HPN: variants seen among roughly 807,000 people sequenced by gnomAD.
HPN encodes serine protease hepsin.
HPN carries 13 observed loss-of-function variants against 55.9 expected under a neutral mutation model. The ratio of observed to expected loss-of-function variants is 0.23; its 90% CI spans 0.15 to 0.37. HPN has a LOEUF of 0.37. Ranked by LOEUF, HPN falls within the 10% of genes least tolerant of loss-of-function variation. The probability of loss-of-function intolerance (pLI) is 1.00; values close to 1 mark genes in which losing one functional copy is unlikely to be tolerated. For missense variants in HPN, 451 were observed against 575.8 expected (o/e 0.78, Z 2.22); for synonymous variants, 225 against 240.3 (o/e 0.94, Z 0.59).
rs545540943 is a variant in HPN at position 35,063,647 on chromosome 19, T to G, written c.812-1603T>G. On this transcript the variant is annotated intron_variant, in intron 9 of 12. Coordinates refer to ENST00000672452, the MANE Select transcript of HPN (RefSeq NM_001384133.1). The stretch of plus-strand genomic sequence containing the variant: ...TCACTTGAACCCAGGAGGTGGAGGT[T>G]GCAGTGAGCCAAGATCGTTGCCACA... Among the ~76,000 whole-genome samples, 13 of 152,354 alleles carry G rather than the reference T, an allele frequency of 8.5e-5. No individual in the cohort carries two copies. In the South Asian group the frequency reaches 2.7e-3, roughly 32 times the overall value.
At chr19:35,040,924 T>G (rs2064287246), upstream of HPN, among the ~76,000 whole-genome samples, 5 of 152,070 alleles carry the variant, frequency 3.3e-5, no homozygotes, top group South Asian at 1.0e-3. Flanking sequence ...GGGTGGCCTA[T>G]CTGGGGCAAG....
chr19:35,042,179 C>T, intron 1 of HPN: 1 of 1,217,064 alleles, frequency 8.2e-7, no homozygotes, highest in Non-Finnish European at 1.0e-6. Flanking sequence ...AGGTCCTCAG[C>T]TGTCTCCTCC....
intron 2 of HPN, among the ~76,000 whole-genome samples, chr19:35,048,498 G>C (rs1028789331): frequency 6.6e-6 from 1 of 152,186 alleles, no homozygotes; most frequent in Non-Finnish European, 1.5e-5. Context: ...TTTAGAAGTA[G>C]GTGCTCAGTG....
At position 35,059,727 on chromosome 19, in the gene HPN, C is replaced by T. The variant is rs776646450; in HGVS notation, c.215C>T (p.Thr72Met). ...RLMVFDKTEG[T>M]WRLLCSSRSN... ...ATGGTCTTTGACAAGACGGAAGGGA[C>T]GTGGCGGCTGCTGTGCTCCTCGCGC... The change falls in exon 5 of 13, where the codon ACG (threonine) becomes ATG (methionine). Residue 72 changes from threonine (T) to methionine (M), a missense_variant. Thr to Met is a moderately conservative substitution (Grantham distance 81, BLOSUM62 -1). This residue lies in a region of HPN where 378 missense variants were observed against 445.5 expected (regional missense o/e 0.85). Coordinates refer to ENST00000672452, the MANE Select transcript of HPN (RefSeq NM_001384133.1). 1.7e-5 allele frequency: 27 copies of T among 1,598,032 alleles called. No individual in the cohort carries two copies. The highest frequency in any genetic ancestry group is 1.7e-4 in the Middle Eastern group (1 of 6,042).
intron 4 of HPN, chr19:35,059,189 TCTGTAATCCCAC>T (rs2064493568): frequency 9.9e-6 from 3 of 301,996 alleles, no homozygotes; most frequent in South Asian, 8.3e-5. Context: ...GCCATGGTGC[TCTGTAATCCCAC>T]CTGTAATCCC....
intron 1 of HPN, 90 bp downstream of exon 1, chr19:35,041,962 T>G (rs200983436): frequency 8.2e-7 from 1 of 1,218,010 alleles, no homozygotes; most frequent in South Asian, 1.4e-5. Context: ...CACCTCCTAA[T>G]AGAGGGGTTC....
intron 1 of HPN, 82 bp downstream of exon 1, chr19:35,041,954 C>T (rs2064298520): frequency 2.4e-6 from 3 of 1,233,068 alleles, no homozygotes; most frequent in Non-Finnish European, 3.1e-6. Context: ...CTAATGCCCA[C>T]CTCCTAATAG....
chr19:35,050,676 T>C (rs2151757791), intron 4 of HPN, among the ~76,000 whole-genome samples: 1 of 152,250 alleles, frequency 6.6e-6, no homozygotes, highest in South Asian at 2.1e-4. Flanking sequence ...AGTTGGGTGG[T>C]GGGATGTATT....
At chr19:35,042,427 C>T in intron 1 of HPN, 26 bp from the exon 2 acceptor site, 1 of 1,546,762 alleles carries the variant, frequency 6.5e-7, no homozygotes, top group Non-Finnish European at 8.7e-7. Flanking sequence ...CCCCCAGGCC[C>T]TGCCTCCCCG....
intron 2 of HPN, among the ~76,000 whole-genome samples, chr19:35,044,319 A>G (rs1021711478): frequency 6.6e-6 from 1 of 152,172 alleles, no homozygotes. Context: ...TGCAATTCCA[A>G]GGATGCCAGG....
chr19:35,043,539 A>G (rs971455080), intron 2 of HPN, among the ~76,000 whole-genome samples: 3 of 152,216 alleles, frequency 2.0e-5, no homozygotes, highest in African/African-American at 2.4e-5. Flanking sequence ...GTGACAGTGC[A>G]TGTCCAACAG....
In HPN at chr19:35,060,383, TG is replaced by T; in HGVS notation, c.494del (p.Gly165GlufsTer35). ...GRRKLPVDRI[V>X]GGRDTSLGRW... ...AGGAAGCTGCCCGTGGACCGCATCGTGGGAGGCCGGGACACCAGCTTGGGCC... is the reference window on the plus strand; with the variant it reads ...AGGAAGCTGCCCGTGGACCGCATCGTGGAGGCCGGGACACCAGCTTGGGCC... On this transcript the variant is annotated frameshift_variant, in exon 8 of 13. Coordinates refer to ENST00000672452, the MANE Select transcript of HPN (RefSeq NM_001384133.1). LOFTEE classifies it high-confidence loss of function. The T allele has an allele frequency of 6.2e-7, 1 of 1,612,660 alleles. No individual in the cohort carries two copies. Among genetic ancestry groups the T allele is most frequent in the Non-Finnish European group, 8.5e-7 (1 of 1,179,904 alleles).
intron 2 of HPN, 44 bp from the exon 3 acceptor site, chr19:35,049,246 T>C: frequency 2.1e-6 from 3 of 1,409,786 alleles, no homozygotes; most frequent in Non-Finnish European, 2.8e-6. Context: ...CCTGCCGCAA[T>C]GAGGACAGGC....
chr19:35,060,016 G>T lies in HPN; in HGVS notation c.413+20G>T. 1 of 1,603,468 alleles carries T rather than the reference G, an allele frequency of 6.2e-7. No individual in the cohort carries two copies. Among genetic ancestry groups the T allele is most frequent in the Non-Finnish European group, 8.5e-7 (1 of 1,173,858 alleles). Reference sequence around the variant, plus strand: ...CGTGTGGTGAGGAGGGCAGCGGGCAGGTGGGGCAACACCTCAGACCCCCAA... The same window carrying T: ...CGTGTGGTGAGGAGGGCAGCGGGCATGTGGGGCAACACCTCAGACCCCCAA... On this transcript the variant is annotated intron_variant, in intron 6 of 12. Coordinates refer to ENST00000672452, the MANE Select transcript of HPN (RefSeq NM_001384133.1).
rs2064514885 is a variant in HPN, at chr19:35,060,333, C to T, written c.455-14C>T. 13 of 1,610,508 alleles carry T rather than the reference C, an allele frequency of 8.1e-6. No homozygotes were observed. Among genetic ancestry groups the T allele is most frequent in the Non-Finnish European group, 9.3e-6 (11 of 1,179,860 alleles). On this transcript the variant is annotated splice_polypyrimidine_tract_variant and intron_variant, in intron 7 of 12. Coordinates refer to ENST00000672452, the MANE Select transcript of HPN (RefSeq NM_001384133.1). ...GTCCCCTGTCGCCGCCCCCTGCTGACCCTTGTCCCACAGACTGTGGCCGCA... is the reference window on the plus strand; with the variant it reads ...GTCCCCTGTCGCCGCCCCCTGCTGATCCTTGTCCCACAGACTGTGGCCGCA...
At chr19:35,050,914 C>CTTTTTTTTTTTTTTTTTTTTT (rs5827917) in intron 4 of HPN, among the ~76,000 whole-genome samples, 1 of 90,442 alleles carries the variant, frequency 1.1e-5, no homozygotes. Context: ...TTCTTTCTTT[C>CTTTTTTTTTTTTTTTTTTTTT]TTTTTTTTTT....
intron 2 of HPN, among the ~76,000 whole-genome samples, chr19:35,044,352 G>A (rs2064321232): frequency 6.6e-6 from 1 of 152,170 alleles, no homozygotes; most frequent in African/African-American, 2.4e-5. Flanking sequence ...CAAGGCTCTT[G>A]CTCTTCTCTG....
chr19:35,052,475 C>A (rs1172193576), intron 4 of HPN, among the ~76,000 whole-genome samples: 1 of 139,000 alleles, frequency 7.2e-6, no homozygotes, highest in African/African-American at 2.8e-5. Context: ...TTGCAGGTTG[C>A]AGTGAACTGA....
At position 35,060,410 on chromosome 19, in the gene HPN, G is replaced by A. The variant is rs748911838; in HGVS notation, c.518G>A (p.Arg173Gln). Residue 173 changes from arginine (R) to glutamine (Q), a missense_variant, in exon 8 of 13, where the codon CGG (arginine) becomes CAG (glutamine). Coordinates refer to ENST00000672452, the MANE Select transcript of HPN (RefSeq NM_001384133.1). ...IVGGRDTSLGRWPWQVSLRYD... is the reference protein window; with the variant it reads ...IVGGRDTSLGQWPWQVSLRYD... ...GGAGGCCGGGACACCAGCTTGGGCC[G>A]GTGGCCGTGGCAAGTCAGCCTTCGC... The A allele has an allele frequency of 2.9e-5, 46 of 1,612,954 alleles. No homozygotes were observed. The highest frequency in any genetic ancestry group is 6.7e-5 in the Admixed American group (4 of 60,014).
Sources: gnomAD v4.1 joint callset for allele counts (sites outside exome capture counted in the v4.1 genomes callset) on GRCh38, gnomAD v4.1.1 for gene constraint, gnomAD v4.1.1 regional missense constraint, MANE v1.5 for transcripts, NCBI Gene and HGNC (gene_info 2026-07-23, HGNC 2026-07-21) for gene names.